FCMR: variants seen among roughly 807,000 people sequenced by gnomAD.
FCMR encodes immunoglobulin mu Fc receptor.
FCMR carries 34 observed loss-of-function variants against 41.6 expected under a neutral mutation model. The ratio of observed to expected loss-of-function variants is 0.82; its 90% CI spans 0.62 to 1.09. The LOEUF (loss-of-function observed/expected upper bound fraction) is 1.09. FCMR is among the 50% of genes least tolerant of loss of function. FCMR has a pLI of 0.00. For synonymous variants in FCMR, 209 were observed against 211.8 expected (o/e 0.99, Z 0.12); for missense variants, 496 against 512.5 (o/e 0.97, Z 0.31).
In FCMR at chr1:206,910,210, C is replaced by A; in HGVS notation, c.841G>T (p.Ala281Ser). 6.2e-7 allele frequency: 1 copy of A among 1,600,114 alleles called. No individual in the cohort carries two copies. The highest frequency in any genetic ancestry group is 1.1e-5 in the South Asian group (1 of 87,692). Residue 281 changes from alanine to serine, a missense_variant and splice_region_variant, in exon 5 of 8, where the codon GCC (alanine) becomes TCC (serine). Ala to Ser is a moderately conservative substitution (Grantham distance 99). Transcript: ENST00000367091. ...VVKRAVERRK[A>S]LSRRARRLAV... ...TCCCTACCGAAGCCCAGCCGCTCAC[C>A]TTTCCTCCTTTCAACGGCCCTTTTC... is the stretch of plus-strand genomic sequence containing the variant.
chr1:206,907,738 C>G lies in FCMR; in HGVS notation c.1044+1724G>C, dbSNP rs1418837882. On this transcript the variant is annotated intron_variant, in intron 7 of 7. Coordinates refer to ENST00000367091, the MANE Select transcript of FCMR (RefSeq NM_005449.5). ...AGGTGGTTGTCGTACGCTGGGAGGG[C>G]ATCAACATTTCTGGCAATTTCTACA... 4 of 1,012,984 alleles carry G rather than the reference C, an allele frequency of 3.9e-6. No individual in the cohort carries two copies. The African/African-American group carries it at 6.3e-5, about 16-fold the overall frequency. The allele number at this position is 1,012,984 out of a possible 1,614,324, so 62.7% of individuals were successfully genotyped here.
intron 7 of FCMR, chr1:206,908,193 C>T: frequency 6.8e-7 from 1 of 1,460,054 alleles, no homozygotes; most frequent in Non-Finnish European, 9.4e-7. Flanking sequence ...CTGACAAATA[C>T]ACAGAGGTCC....
At chr1:206,921,319 G>A in intron 1 of FCMR, 1 of 362,660 alleles carries the variant, frequency 2.8e-6, no homozygotes, top group Non-Finnish European at 5.6e-6. Context: ...GTTAACACCT[G>A]GCTGGGCACA....
At chr1:206,921,406 TC>T (rs1164181898) in intron 1 of FCMR, 4 of 446,732 alleles carry the variant, frequency 9.0e-6, no homozygotes, top group African/African-American at 8.0e-5. Context: ...TTCAAGACCA[TC>T]CTGGGCAACA....
chr1:206,908,121 C>T, intron 7 of FCMR: 2 of 1,252,000 alleles, frequency 1.6e-6, no homozygotes, highest in East Asian at 2.3e-5. Flanking sequence ...AGTTCCACTA[C>T]AGGAAGAAGA....
rs1331266498 is a variant in FCMR at position 206,904,658 on chromosome 1, C to A, written c.*361G>T. ...ACAATAGCTATGCCTCTGCCCCAGC[C>A]TGATGCCATGTGATCTAGAGCCTGG... On this transcript the variant is annotated 3_prime_UTR_variant, in exon 8 of 8. Coordinates refer to ENST00000367091, the MANE Select transcript of FCMR (RefSeq NM_005449.5). The A allele has an allele frequency of 1.8e-5, 5 of 271,166 alleles. No individual in the cohort carries two copies. Among genetic ancestry groups the A allele is most frequent in the Non-Finnish European group, 3.6e-5 (5 of 137,444 alleles). 16.8% of individuals were successfully genotyped at this position (271,166 alleles called of 1,614,324 possible). A position where few individuals can be genotyped will look rare whatever the true frequency, so the allele number is the denominator to read the frequency against.
intron 5 of FCMR, 171 bp from the exon 6 acceptor site, chr1:206,910,039 G>A: frequency 9.0e-7 from 1 of 1,108,886 alleles, no homozygotes; most frequent in South Asian, 1.8e-5. Context: ...AAGACCAAAG[G>A]GCCCAGGCCG....
intron 1 of FCMR, among the ~76,000 whole-genome samples, chr1:206,919,411 C>T (rs990089715): frequency 7.9e-5 from 12 of 152,114 alleles, no homozygotes; most frequent in African/African-American, 2.9e-4. Context: ...GCCTGGGCAA[C>T]ATGGTGAGAC....
At chr1:206,913,682 G>A in intron 2 of FCMR, 77 bp downstream of exon 2, 1 of 1,162,232 alleles carries the variant, frequency 8.6e-7, no homozygotes, top group East Asian at 2.3e-5. Context: ...GACTGTTACA[G>A]TTAGATGGCT....
At position 206,903,395 on chromosome 1, in the gene FCMR, C is replaced by A; in HGVS notation, c.*1624G>T. ...GAATATTGTGCCCCATGCTTCTTTA[C>A]CCCTCACAATCCTTGCCACAGTGTG... is the stretch of plus-strand genomic sequence containing the variant. On this transcript the variant is annotated 3_prime_UTR_variant, in exon 8 of 8. Transcript: ENST00000367091. 4.2e-6 allele frequency: 1 copy of A among 239,076 alleles called. No individual in the cohort carries two copies. Among genetic ancestry groups the A allele is most frequent in the Non-Finnish European group, 8.3e-6 (1 of 120,084 alleles). 14.8% of individuals were successfully genotyped at this position (239,076 alleles called of 1,614,324 possible).
chr1:206,912,745 C>T (rs1678998549), intron 3 of FCMR, among the ~76,000 whole-genome samples, 184 bp downstream of exon 3: 1 of 152,180 alleles, frequency 6.6e-6, no homozygotes, highest in African/African-American at 2.4e-5. Flanking sequence ...GTCGGACAGG[C>T]TTGAAGGATA....
intron 1 of FCMR, 83 bp downstream of exon 1, chr1:206,921,735 G>A: frequency 7.6e-7 from 1 of 1,310,318 alleles, no homozygotes; most frequent in East Asian, 2.3e-5. Flanking sequence ...AAACATCAGA[G>A]CTAGAGCTAC....
intron 1 of FCMR, among the ~76,000 whole-genome samples, chr1:206,919,481 A>C (rs981558143): frequency 6.6e-6 from 1 of 152,184 alleles, no homozygotes; most frequent in African/African-American, 2.4e-5. Context: ...CTGTAGTCCC[A>C]GCTACTCAGG....
At chr1:206,912,109 A>G (rs1353019709) in intron 3 of FCMR, among the ~76,000 whole-genome samples, 157 bp from the exon 4 acceptor site, 1 of 152,180 alleles carries the variant, frequency 6.6e-6, no homozygotes, top group African/African-American at 2.4e-5. Context: ...TTAACATGCT[A>G]TCTAGGCCTA....
upstream of FCMR, among the ~76,000 whole-genome samples, chr1:206,922,420 TACTA>T (rs1429846162): frequency 2.6e-5 from 4 of 152,134 alleles, no homozygotes; most frequent in East Asian, 1.9e-4. Context: ...TATGTGGGGG[TACTA>T]ACTAAGGACT....
At chr1:206,916,921 A>T (rs777585422) in intron 1 of FCMR, among the ~76,000 whole-genome samples, 1 of 152,212 alleles carries the variant, frequency 6.6e-6, no homozygotes, top group Non-Finnish European at 1.5e-5. Flanking sequence ...GGGCTATATA[A>T]CATTTACAAA....
chr1:206,913,720 T>C, intron 2 of FCMR, 39 bp downstream of exon 2: 1 of 1,528,112 alleles, frequency 6.5e-7, no homozygotes, highest in East Asian at 2.3e-5. Context: ...TGAAACATTT[T>C]CTGGGTAGTC....
chr1:206,913,852 G>A lies in FCMR; in HGVS notation c.280C>T (p.Leu94=). ...TAGACTCCGCTGTCACTTTCTGTCA[G>A]CTGTGTTACCTCCACTAGGAACAGA... ...KNLFLVEVTQ[L]TESDSGVYAC... The change falls in exon 2 of 8, where the codon CTG becomes TTG. Residue 94 remains leucine (L), a synonymous_variant. Coordinates refer to ENST00000367091, the MANE Select transcript of FCMR (RefSeq NM_005449.5). 1.6e-5 allele frequency: 26 copies of A among 1,614,218 alleles called. No individual in the cohort carries two copies. Among genetic ancestry groups the A allele is most frequent in the Non-Finnish European group, 2.2e-5 (26 of 1,180,040 alleles).
rs778380781 is a variant in FCMR at position 206,903,348 on chromosome 1, T to C, written c.*1671A>G. 4 of 333,452 alleles carry C rather than the reference T, an allele frequency of 1.2e-5. No individual in the cohort carries two copies. Among genetic ancestry groups the C allele is most frequent in the Non-Finnish European group, 1.7e-5 (3 of 177,620 alleles). 20.7% of individuals were successfully genotyped at this position (333,452 alleles called of 1,614,324 possible). On this transcript the variant is annotated 3_prime_UTR_variant, in exon 8 of 8. Transcript: ENST00000367091. The stretch of plus-strand genomic sequence containing the variant: ...CTGAAGTTCTATTTATTTGTGAGAC[T>C]GTAAGTTACATGAAGGCAGCAGAAT...
Sources: gnomAD v4.1 joint callset for allele counts (sites outside exome capture counted in the v4.1 genomes callset) on GRCh38, gnomAD v4.1.1 for gene constraint, MANE v1.5 for transcripts, NCBI Gene and HGNC (gene_info 2026-07-23, HGNC 2026-07-21) for gene names.